The following PTPN13 variants were observed in gnomAD, a reference collection of about 807,000 sequenced individuals.
The protein encoded by PTPN13 is tyrosine-protein phosphatase non-receptor type 13.
In PTPN13, 191 loss-of-function variants were observed where a neutral mutation model predicts 284.0. The ratio of observed to expected loss-of-function variants is 0.67; its 90% CI spans 0.60 to 0.76. The LOEUF is 0.76. Among genes scored for constraint, PTPN13 ranks in the 30% least tolerant of loss-of-function variants. PTPN13 has a pLI of 0.00. For missense variants in PTPN13, 2,797 were observed against 2,939.9 expected, an observed-to-expected ratio of 0.95 and a Z score of 1.12; for synonymous variants, 986 against 1,022.3, an observed-to-expected ratio of 0.96 and a Z score of 0.68.
At chr4:86,633,371 C>T (rs775154508) in intron 1 of PTPN13, among the ~76,000 whole-genome samples, 1 of 152,088 alleles carries the variant, frequency 6.6e-6, no homozygotes, top group Non-Finnish European at 1.5e-5. Context: ...TAGGCAACAC[C>T]TTTAGATTCC....
Position 86,785,962 on chromosome 4 carries a change from G to A in PTPN13, c.6345+26G>A, listed in dbSNP as rs746818948. 7.8e-6 allele frequency: 10 copies of A among 1,287,692 alleles called. No homozygotes were observed. In the South Asian group the frequency reaches 1.5e-4, roughly 19 times the overall value. The allele number at this position is 1,287,692 out of a possible 1,614,324, so 79.8% of individuals were successfully genotyped here. ...GTAACAATAATACCTAAACAACCTA[G>A]GATATGACAGCTTGTTACAATTATG... is the stretch of plus-strand genomic sequence containing the variant. On this transcript the variant is annotated intron_variant, in intron 40 of 47. Coordinates refer to ENST00000411767, the MANE Select transcript of PTPN13 (RefSeq NM_080683.3).
chr4:86,731,917 G>T (rs1734997643), intron 10 of PTPN13, among the ~76,000 whole-genome samples: 2 of 152,298 alleles, frequency 1.3e-5, no homozygotes, highest in South Asian at 4.1e-4. Flanking sequence ...ATTGGGATTA[G>T]TTGTGAGCCA....
chr4:86,637,515 C>G (rs1723169558), intron 2 of PTPN13, among the ~76,000 whole-genome samples: 1 of 151,828 alleles, frequency 6.6e-6, no homozygotes, highest in Non-Finnish European at 1.5e-5. Context: ...GGGTGCAAGG[C>G]TGGTTCAATA....
Position 86,764,601 on chromosome 4 carries a change from C to T in PTPN13, c.4026C>T (p.Ser1342=), listed in dbSNP as rs1208937637. 2 of 1,493,324 alleles carry T rather than the reference C, an allele frequency of 1.3e-6. No homozygotes were observed. The highest frequency in any genetic ancestry group is 1.8e-6 in the Non-Finnish European group (2 of 1,119,270). 92.5% of individuals were successfully genotyped at this position (1,493,324 alleles called of 1,614,324 possible). ...TGTTTTTCTTTGTTAAGGAATCTTC[C>T]TCTTCAGTGAATACATCCAACAAGA... ...QDHQTPKQES[S]SSVNTSNKMN... is the part of the protein sequence containing the mutation. Residue 1342 remains serine (S), a synonymous_variant, in exon 25 of 48, where the codon TCC becomes TCT. Coordinates refer to ENST00000411767, the MANE Select transcript of PTPN13 (RefSeq NM_080683.3).
intron 32 of PTPN13, among the ~76,000 whole-genome samples, chr4:86,774,047 A>T (rs1331660479): frequency 3.3e-5 from 5 of 152,014 alleles, no homozygotes; most frequent in Non-Finnish European, 7.4e-5. Context: ...GTATTTTTTG[A>T]TCATCAAAGT....
rs186327190 is a variant in PTPN13 at position 86,677,351 on chromosome 4, T to G, written c.294+4808T>G. ...TTTTTTTTGAGACGGAGTCTAGCTC[T>G]GTCACCAGGCTGGAGTGCAGTGGCA... On this transcript the variant is annotated intron_variant, in intron 3 of 47. Transcript: ENST00000411767. Among the ~76,000 whole-genome samples, 10 of 149,888 alleles carry G rather than the reference T, an allele frequency of 6.7e-5. No individual in the cohort carries two copies. The East Asian group carries it at 2.0e-3, about 30-fold the overall frequency.
rs1267745848 is a variant in PTPN13, at chr4:86,758,659, A to T, written c.3314-19A>T. 24 of 1,589,870 alleles carry T rather than the reference A, an allele frequency of 1.5e-5. No homozygotes were observed. Among genetic ancestry groups the T allele is most frequent in the Non-Finnish European group, 2.0e-5 (23 of 1,159,254 alleles). On this transcript the variant is annotated intron_variant, in intron 21 of 47. Coordinates refer to ENST00000411767, the MANE Select transcript of PTPN13 (RefSeq NM_080683.3). ...AAAGCAGCAATATGAAAATCTTTTT[A>T]AAATGTGTTATTTTACAGGATTTCA...
chr4:86,733,294 TCTC>T (rs1403541304), intron 12 of PTPN13, among the ~76,000 whole-genome samples: 1 of 152,078 alleles, frequency 6.6e-6, no homozygotes, highest in African/African-American at 2.4e-5. Context: ...AGTAGAAACT[TCTC>T]CTATTTATCA....
Position 86,775,507 on chromosome 4 carries a change from A to AGG in PTPN13, c.5747_5748dup (p.Ser1917GlyfsTer13). ...GGTATATATTAGTGATATTAATCCA[A>AGG]GGTCCGTCGCAGCCATTGAGGGTAA... On this transcript the variant is annotated frameshift_variant, in exon 35 of 48. Coordinates refer to ENST00000411767, the MANE Select transcript of PTPN13 (RefSeq NM_080683.3). LOFTEE classifies it high-confidence loss of function. 2.5e-6 allele frequency: 4 copies of AGG among 1,612,380 alleles called. No homozygotes were observed. The highest frequency in any genetic ancestry group is 3.4e-6 in the Non-Finnish European group (4 of 1,178,564).
chr4:86,736,460 A>G (rs951761511), intron 15 of PTPN13, among the ~76,000 whole-genome samples: 1 of 152,202 alleles, frequency 6.6e-6, no homozygotes, highest in African/African-American at 2.4e-5. Flanking sequence ...GCATATAGAA[A>G]GAAATCAAGT....
intron 2 of PTPN13, among the ~76,000 whole-genome samples, chr4:86,653,105 T>A (rs1183308599): frequency 6.6e-6 from 1 of 152,110 alleles, no homozygotes; most frequent in African/African-American, 2.4e-5. Context: ...AAAATTTTAA[T>A]CTCTTAGTTA....
chr4:86,812,560 C>T (rs536929572), intron 47 of PTPN13, among the ~76,000 whole-genome samples: 6 of 152,154 alleles, frequency 3.9e-5, no homozygotes, highest in East Asian at 1.9e-4. Context: ...TTAAACAGGG[C>T]GGCACCATTG....
intron 7 of PTPN13, among the ~76,000 whole-genome samples, chr4:86,713,831 C>T (rs1732701084): frequency 6.6e-6 from 1 of 152,096 alleles, no homozygotes; most frequent in South Asian, 2.1e-4. Context: ...TATTCTGGTT[C>T]CACAAACCTG....
At chr4:86,713,733 T>A (rs888777062) in intron 7 of PTPN13, among the ~76,000 whole-genome samples, 18 of 152,158 alleles carry the variant, frequency 1.2e-4, no homozygotes, top group Non-Finnish European at 2.4e-4. Flanking sequence ...TCATCTATAC[T>A]TCTTCTCGCA....
intron 19 of PTPN13, among the ~76,000 whole-genome samples, chr4:86,752,403 T>A (rs988178919): frequency 6.6e-6 from 1 of 152,178 alleles, no homozygotes. Flanking sequence ...GAGACTATAC[T>A]ATCAATTTAA....
intron 1 of PTPN13, among the ~76,000 whole-genome samples, chr4:86,607,551 A>G (rs1312682710): frequency 6.6e-6 from 1 of 152,000 alleles, no homozygotes; most frequent in Non-Finnish European, 1.5e-5. Context: ...TGAGGCTTAG[A>G]GAGGCTTAAT....
chr4:86,752,293 T>C (rs1377893574), intron 19 of PTPN13, among the ~76,000 whole-genome samples: 1 of 152,172 alleles, frequency 6.6e-6, no homozygotes. Context: ...GGATTCAGGG[T>C]ATGTCGAGTA....
intron 10 of PTPN13, among the ~76,000 whole-genome samples, chr4:86,723,194 C>T (rs2149093906): frequency 6.6e-6 from 1 of 152,184 alleles, no homozygotes; most frequent in Non-Finnish European, 1.5e-5. Flanking sequence ...TAGTCAGTTC[C>T]AATTACTGGA....
Position 86,803,901 on chromosome 4 carries a change from T to C in PTPN13, c.6654+44T>C, listed in dbSNP as rs780460387. On this transcript the variant is annotated intron_variant, in intron 43 of 47. Transcript: ENST00000411767. Reference sequence around the variant, plus strand: ...TGATTCTCTCCCAAAGTGTATGCATTTAGTTTGTAAGGAAAATGTATCTTT... The same window carrying C: ...TGATTCTCTCCCAAAGTGTATGCATCTAGTTTGTAAGGAAAATGTATCTTT... 4.1e-5 allele frequency: 65 copies of C among 1,580,024 alleles called. 1 individual carries two copies. In the South Asian group the frequency reaches 7.1e-4, roughly 17 times the overall value.
Sources: gnomAD v4.1 joint callset for allele counts (sites outside exome capture counted in the v4.1 genomes callset) on GRCh38, gnomAD v4.1.1 for gene constraint, MANE v1.5 for transcripts, NCBI Gene and HGNC (gene_info 2026-07-23, HGNC 2026-07-21) for gene names.